MAN1A1: variants seen among roughly 807,000 people sequenced by gnomAD.
The protein encoded by MAN1A1 is mannosidase alpha class 1A member 1.
In MAN1A1, 29 loss-of-function variants were observed where a neutral mutation model predicts 70.8. That is an observed-to-expected ratio of 0.41 (90% CI 0.31 to 0.56). The LOEUF is 0.56. Among genes scored for constraint, MAN1A1 ranks in the 20% least tolerant of loss-of-function variants. MAN1A1 has a pLI of 0.29. For synonymous variants in MAN1A1, 349 were observed against 330.1 expected, an observed-to-expected ratio of 1.06 and a Z score of -0.62; for missense variants, 747 against 841.3, an observed-to-expected ratio of 0.89 and a Z score of 1.39.
intron 5 of MAN1A1, among the ~76,000 whole-genome samples, chr6:119,281,981 G>C (rs1001114447): frequency 6.6e-6 from 1 of 152,138 alleles, no homozygotes; most frequent in South Asian, 2.1e-4. Context: ...AGAATTGCCT[G>C]AACCTGAGAG....
chr6:119,259,250 G>T (rs901676704), intron 5 of MAN1A1, among the ~76,000 whole-genome samples: 3 of 152,152 alleles, frequency 2.0e-5, no homozygotes, highest in Middle Eastern at 3.2e-3. Context: ...CCTGCACAAG[G>T]ATCTGATAAG....
At chr6:119,202,626 C>G (rs906156741) in intron 7 of MAN1A1, among the ~76,000 whole-genome samples, 1 of 152,072 alleles carries the variant, frequency 6.6e-6, no homozygotes, top group Non-Finnish European at 1.5e-5. Context: ...TATGCCATCA[C>G]CACCACAAAC....
At position 119,349,714 on chromosome 6, in the gene MAN1A1, C is replaced by T; in HGVS notation, c.-395G>A. 1 of 985,780 alleles carries T rather than the reference C, an allele frequency of 1.0e-6. No individual in the cohort carries two copies. Among genetic ancestry groups the T allele is most frequent in the African/African-American group, 1.7e-5 (1 of 57,370 alleles). 61.1% of individuals were successfully genotyped at this position (985,780 alleles called of 1,614,324 possible). A position where few individuals can be genotyped will look rare whatever the true frequency, so the allele number is the denominator to read the frequency against. On this transcript the variant is annotated 5_prime_UTR_variant, in exon 1 of 13. Transcript: ENST00000368468. ...AGCGCGCCGACCTGCGGGCGAATGG[C>T]AGCGAGTAGAGCAGCACGGTACACT... is the stretch of plus-strand genomic sequence containing the variant.
At chr6:119,263,336 T>C (rs1428149728) in intron 5 of MAN1A1, among the ~76,000 whole-genome samples, 1 of 152,178 alleles carries the variant, frequency 6.6e-6, no homozygotes, top group Non-Finnish European at 1.5e-5. Flanking sequence ...CCCTAACTAA[T>C]ACAATGTCCT....
chr6:119,242,939 G>A (rs1234783748), intron 6 of MAN1A1, among the ~76,000 whole-genome samples: 2 of 152,012 alleles, frequency 1.3e-5, no homozygotes, highest in Non-Finnish European at 1.5e-5. Flanking sequence ...ATAGATAAAA[G>A]AGGGAAGTGG....
chr6:119,274,859 T>A (rs1161543567), intron 5 of MAN1A1, among the ~76,000 whole-genome samples: 2 of 152,156 alleles, frequency 1.3e-5, no homozygotes, highest in South Asian at 4.1e-4. Flanking sequence ...GAGTCAGAGA[T>A]TGAAGAATAA....
chr6:119,311,830 C>G (rs1283081793), intron 2 of MAN1A1, among the ~76,000 whole-genome samples: 2 of 152,168 alleles, frequency 1.3e-5, no homozygotes, highest in African/African-American at 2.4e-5. Context: ...CCACAAAGCT[C>G]TATCTTATCA....
At chr6:119,248,847 G>T (rs1260612918) in intron 5 of MAN1A1, among the ~76,000 whole-genome samples, 1 of 152,194 alleles carries the variant, frequency 6.6e-6, no homozygotes, top group African/African-American at 2.4e-5. Flanking sequence ...TCACAGGTCT[G>T]TGTGTCTCCT....
intron 8 of MAN1A1, among the ~76,000 whole-genome samples, chr6:119,198,067 G>C (rs1192220258): frequency 6.6e-6 from 1 of 152,190 alleles, no homozygotes; most frequent in Non-Finnish European, 1.5e-5. Flanking sequence ...TGCTTTTAGA[G>C]AATCACATCC....
chr6:119,334,408 C>A (rs1010395808), intron 2 of MAN1A1, among the ~76,000 whole-genome samples: 3 of 152,152 alleles, frequency 2.0e-5, no homozygotes, highest in African/African-American at 7.2e-5. Flanking sequence ...AGATTAAAAG[C>A]TTTCTATTGT....
At chr6:119,240,555 A>G (rs929336120) in intron 6 of MAN1A1, among the ~76,000 whole-genome samples, 2 of 152,124 alleles carry the variant, frequency 1.3e-5, no homozygotes, top group African/African-American at 4.8e-5. Context: ...AGAATAAAAA[A>G]CACTTAAAAA....
At chr6:119,348,166 T>A (rs1264743443) in intron 2 of MAN1A1, among the ~76,000 whole-genome samples, 1 of 152,204 alleles carries the variant, frequency 6.6e-6, no homozygotes, top group African/African-American at 2.4e-5. Flanking sequence ...GGCCAGAGAA[T>A]GAGGTTTGCG....
At position 119,307,572 on chromosome 6, in the gene MAN1A1, A is replaced by G. The variant is rs529569131; in HGVS notation, c.604-580T>C. Among the ~76,000 whole-genome samples the G allele has an allele frequency of 5.9e-5, 9 of 152,316 alleles. No individual in the cohort carries two copies. The South Asian group carries it at 1.9e-3, about 32-fold the overall frequency. On this transcript the variant is annotated intron_variant, in intron 2 of 12. Coordinates refer to ENST00000368468, the MANE Select transcript of MAN1A1 (RefSeq NM_005907.4). Reference sequence around the variant, plus strand: ...AAAACTTGTTTATTTTAATGTAATCAATCTTTAATTGGATACATGTGTGTA... The same window carrying G: ...AAAACTTGTTTATTTTAATGTAATCGATCTTTAATTGGATACATGTGTGTA...
At chr6:119,229,417 CTTAT>C (rs2114276633) in intron 6 of MAN1A1, among the ~76,000 whole-genome samples, 1 of 152,180 alleles carries the variant, frequency 6.6e-6, no homozygotes. Context: ...TGTTGACAAA[CTTAT>C]TTATCTATAG....
intron 5 of MAN1A1, among the ~76,000 whole-genome samples, chr6:119,284,977 C>T (rs1776324591): frequency 6.6e-6 from 1 of 151,992 alleles, no homozygotes; most frequent in African/African-American, 2.4e-5. Flanking sequence ...TATTTTGGCT[C>T]ATGGTTCTGC....
At position 119,349,077 on chromosome 6, in the gene MAN1A1, T is replaced by C; in HGVS notation, c.-12A>G. 1 of 1,296,726 alleles carries C rather than the reference T, an allele frequency of 7.7e-7. No homozygotes were observed. Among genetic ancestry groups the C allele is most frequent in the Non-Finnish European group, 9.8e-7 (1 of 1,021,708 alleles). 80.3% of individuals were successfully genotyped at this position (1,296,726 alleles called of 1,614,324 possible). A position where few individuals can be genotyped will look rare whatever the true frequency, so the allele number is the denominator to read the frequency against. On this transcript the variant is annotated 5_prime_UTR_variant, in exon 2 of 13. Transcript: ENST00000368468. ...CCCCCCACGGGCATCGCTCCCGCTG[T>C]CCAGTGGTCCGGCGCCGCGCCGCTC...
At chr6:119,327,290 T>C (rs1773173857) in intron 2 of MAN1A1, 1 of 152,130 alleles carries the variant, frequency 6.6e-6, no homozygotes, top group South Asian at 2.1e-4. Context: ...AGTTCTTGCT[T>C]TGTCAACATG....
At chr6:119,276,002 T>C (rs1483648895) in intron 5 of MAN1A1, among the ~76,000 whole-genome samples, 2 of 152,208 alleles carry the variant, frequency 1.3e-5, no homozygotes, top group African/African-American at 4.8e-5. Flanking sequence ...ACTGTGTACT[T>C]GGCACACAAT....
chr6:119,317,175 CCTCA>C (rs1772876601), intron 2 of MAN1A1, among the ~76,000 whole-genome samples: 1 of 152,060 alleles, frequency 6.6e-6, no homozygotes, highest in African/African-American at 2.4e-5. Flanking sequence ...GGCACAACCT[CCTCA>C]CTATCAACAT....
Sources: allele counts gnomAD v4.1 joint callset (sites outside exome capture counted in the v4.1 genomes callset), GRCh38; gene constraint gnomAD v4.1.1; transcripts MANE v1.5; gene names NCBI Gene and HGNC (gene_info 2026-07-23, HGNC 2026-07-21).